The following UGT1A6 variants were observed in gnomAD, a reference collection of about 807,000 sequenced individuals.
The protein encoded by UGT1A6 is UDP-glucuronosyltransferase 1A6.
In UGT1A6, 32 loss-of-function variants were observed where a neutral mutation model predicts 44.4. That is an observed-to-expected ratio of 0.72 (90% CI 0.54 to 0.97). The LOEUF (loss-of-function observed/expected upper bound fraction) is 0.97, where lower values mean the gene tolerates loss of function less well. UGT1A6 is among the 50% of genes least tolerant of loss of function. The pLI is 0.00. For missense variants in UGT1A6, 685 were observed against 661.9 expected (o/e 1.03, Z -0.38); for synonymous variants, 238 against 248.5 (o/e 0.96, Z 0.40).
chr2:233,720,872 T>TTG (rs71694891), intron 1 of UGT1A6, among the ~76,000 whole-genome samples: 1 of 39,450 alleles, frequency 2.5e-5, no homozygotes, highest in African/African-American at 3.2e-4. Flanking sequence ...CTCCTGGCAA[T>TTG]TTTTTTTTTT....
intron 1 of UGT1A6, chr2:233,760,592 A>G (rs2125986394): frequency 1.1e-5 from 18 of 1,614,212 alleles, no homozygotes; most frequent in Non-Finnish European, 1.5e-5. Flanking sequence ...GTTTTTGAGA[A>G]TGATTCTTTC....
At chr2:233,756,789 G>A (rs1696325268) in intron 1 of UGT1A6, among the ~76,000 whole-genome samples, 1 of 151,900 alleles carries the variant, frequency 6.6e-6, no homozygotes, top group Admixed American at 6.6e-5. Context: ...AAATTGTGGG[G>A]CAATACACTA....
chr2:233,742,782 C>G lies in UGT1A6; in HGVS notation c.862-24252C>G, dbSNP rs76952857. ...ATAATAAATGCATGTTGTTTTGAACCATCATTAAATTAAGCCAGAAGTATT... is the reference window on the plus strand; with the variant it reads ...ATAATAAATGCATGTTGTTTTGAACGATCATTAAATTAAGCCAGAAGTATT... On this transcript the variant is annotated intron_variant, in intron 1 of 4. Coordinates refer to ENST00000305139, the MANE Select transcript of UGT1A6 (RefSeq NM_001072.4). 2.0e-5 allele frequency: 3 copies of G among 152,908 alleles called. No individual in the cohort carries two copies. In the East Asian group the frequency reaches 5.8e-4, roughly 29 times the overall value. 9.5% of individuals were successfully genotyped at this position (152,908 alleles called of 1,614,324 possible). A position where few individuals can be genotyped will look rare whatever the true frequency, so the allele number is the denominator to read the frequency against.
At position 233,693,663 on chromosome 2, in the gene UGT1A6, A is replaced by G. The variant is rs201621149; in HGVS notation, c.659A>G (p.Tyr220Cys). The change falls in exon 1 of 5, where the codon TAT (tyrosine) becomes TGT (cysteine). Residue 220 changes from tyrosine (Y) to cysteine (C), a missense_variant. By Grantham distance (194) the Tyr-to-Cys change is radical (BLOSUM62 -2). Transcript: ENST00000305139. ...ANFLVNLLEP[Y>C]LFYCLFSKYE... is the part of the protein sequence containing the mutation. The stretch of plus-strand genomic sequence containing the variant: ...TTCCTTGTTAATTTGTTGGAGCCCT[A>G]TCTATTTTATTGTCTGTTTTCAAAG... 7 of 1,614,142 alleles carry G rather than the reference A, an allele frequency of 4.3e-6. No homozygotes were observed. In the African/African-American group the frequency reaches 6.7e-5, roughly 15 times the overall value.
intron 1 of UGT1A6, chr2:233,713,825 C>T: frequency 1.2e-6 from 2 of 1,614,052 alleles, no homozygotes; most frequent in South Asian, 2.2e-5. Flanking sequence ...TCATTGGGGG[C>T]ATCAACTGTG....
rs2076494681 is a variant in UGT1A6, at chr2:233,716,255, T to A, written c.861+22390T>A. Among the ~76,000 whole-genome samples, 5 of 152,210 alleles carry A rather than the reference T, an allele frequency of 3.3e-5. No homozygotes were observed. The South Asian group carries it at 1.0e-3, about 32-fold the overall frequency. On this transcript the variant is annotated intron_variant, in intron 1 of 4. Transcript: ENST00000305139. ...CATTGTCCTGCCCGGACATCCAGCA[T>A]AATCTCCCCATGTCAAAACCCTTAA...
chr2:233,720,495 T>G (rs546107081), intron 1 of UGT1A6, among the ~76,000 whole-genome samples: 4 of 152,212 alleles, frequency 2.6e-5, no homozygotes, highest in Admixed American at 2.6e-4. Context: ...AGAAGGGAAG[T>G]GTTTCTCAGG....
At chr2:233,707,992 C>T (rs1304357209) in intron 1 of UGT1A6, among the ~76,000 whole-genome samples, 2 of 152,156 alleles carry the variant, frequency 1.3e-5, no homozygotes, top group Non-Finnish European at 2.9e-5. Flanking sequence ...GTTGTCTACT[C>T]GAATTATGTA....
chr2:233,769,449 G>A lies in UGT1A6; in HGVS notation c.1301+1010G>A, dbSNP rs538754639. ...GCTGTGCTCATGTGTGGGTGCACAC[G>A]TGTGCATTCATATGCGTGTGTGTGT... On this transcript the variant is annotated intron_variant, in intron 4 of 4. Coordinates refer to ENST00000305139, the MANE Select transcript of UGT1A6 (RefSeq NM_001072.4). The surrounding 1 kb of genome is among the most constrained non-coding windows in gnomAD (Gnocchi z 4.4). The A allele has an allele frequency of 8.2e-5, 130 of 1,580,920 alleles. 1 individual carries two copies. The highest frequency in any genetic ancestry group is 7.2e-4 in the African/African-American group (54 of 74,488).
At chr2:233,729,773 AC>A (rs1344776353) in intron 1 of UGT1A6, 1 of 1,613,832 alleles carries the variant, frequency 6.2e-7, no homozygotes, top group African/African-American at 1.3e-5. Context: ...AACATGCTCT[AC>A]CCTCTGGCCC....
chr2:233,756,708 CT>C (rs1473385409), intron 1 of UGT1A6, among the ~76,000 whole-genome samples: 11 of 152,108 alleles, frequency 7.2e-5, no homozygotes, highest in Non-Finnish European at 1.6e-4. Context: ...TTTGGGGGGA[CT>C]TTTTTTGAGA....
chr2:233,721,025 C>T (rs945783424), intron 1 of UGT1A6, among the ~76,000 whole-genome samples: 6 of 152,028 alleles, frequency 3.9e-5, no homozygotes, highest in Non-Finnish European at 8.8e-5. Flanking sequence ...AGCCATCTTT[C>T]TTGTGAGAGA....
chr2:233,745,788 G>T (rs1003270220), intron 1 of UGT1A6, among the ~76,000 whole-genome samples: 2 of 150,764 alleles, frequency 1.3e-5, no homozygotes, highest in African/African-American at 4.9e-5. Flanking sequence ...AGACAGGGGG[G>T]CTGGGGTCTA....
At chr2:233,729,975 C>T in intron 1 of UGT1A6, 1 of 1,614,046 alleles carries the variant, frequency 6.2e-7, no homozygotes, top group Non-Finnish European at 8.5e-7. Context: ...ACTGTGCCAA[C>T]AGGAAGCCAC....
intron 1 of UGT1A6, among the ~76,000 whole-genome samples, chr2:233,766,494 G>A (rs1250106940): frequency 2.6e-5 from 4 of 152,182 alleles, no homozygotes; most frequent in African/African-American, 9.7e-5. Flanking sequence ...GGCGTGGCAG[G>A]CCAGGGTGGT....
intron 1 of UGT1A6, among the ~76,000 whole-genome samples, chr2:233,745,292 C>G (rs13426130): frequency 6.6e-6 from 1 of 151,882 alleles, no homozygotes. Context: ...TGGGGATAAA[C>G]GTGGGATGCA....
chr2:233,748,870 C>T (rs930859259), intron 1 of UGT1A6, among the ~76,000 whole-genome samples: 9 of 151,444 alleles, frequency 5.9e-5, no homozygotes, highest in Non-Finnish European at 1.0e-4. Flanking sequence ...AAGCTGGGGA[C>T]GGTGATGAAT....
chr2:233,727,791 C>T (rs1410826393), intron 1 of UGT1A6, among the ~76,000 whole-genome samples: 1 of 152,234 alleles, frequency 6.6e-6, no homozygotes, highest in Non-Finnish European at 1.5e-5. Flanking sequence ...CTTCCATTCA[C>T]TGCCTGTCCC....
intron 1 of UGT1A6, among the ~76,000 whole-genome samples, chr2:233,712,558 G>C (rs1453709402): frequency 6.6e-6 from 1 of 152,210 alleles, no homozygotes; most frequent in Admixed American, 6.5e-5. Flanking sequence ...AGTATTAAGA[G>C]TTAGCAAATA....
Sources: gnomAD v4.1 joint callset for allele counts (sites outside exome capture counted in the v4.1 genomes callset) on GRCh38, gnomAD v4.1.1 for gene constraint, Gnocchi (gnomAD v3.1) non-coding constraint, MANE v1.5 for transcripts, NCBI Gene and HGNC (gene_info 2026-07-23, HGNC 2026-07-21) for gene names.